The following NLGN1 variants were observed in gnomAD, a reference collection of about 807,000 sequenced individuals.
The protein encoded by NLGN1 is neuroligin 1.
NLGN1 carries 12 observed loss-of-function variants against 65.5 expected under a neutral mutation model. That is an observed-to-expected ratio of 0.18 (90% confidence interval 0.12 to 0.30). The LOEUF is 0.30. Ranked by LOEUF, NLGN1 falls within the 10% of genes least tolerant of loss-of-function variation. NLGN1 has a pLI of 1.00. For synonymous variants in NLGN1, 350 were observed against 359.5 expected, an observed-to-expected ratio of 0.97 and a Z score of 0.30; for missense variants, 750 against 1,007.1, an observed-to-expected ratio of 0.74 and a Z score of 3.46.
intron 4 of NLGN1, among the ~76,000 whole-genome samples, chr3:174,246,140 C>T (rs369000600): frequency 2.6e-5 from 4 of 152,132 alleles, no homozygotes; most frequent in Admixed American, 6.5e-5. Flanking sequence ...TGTTTCCAGA[C>T]GTCACTGGAT....
chr3:173,659,316 G>A (rs575208631), intron 3 of NLGN1, among the ~76,000 whole-genome samples: 1 of 151,956 alleles, frequency 6.6e-6, no homozygotes, highest in Non-Finnish European at 1.5e-5. Flanking sequence ...TTAAAGAAAG[G>A]GCATTTGTTT....
At chr3:174,189,036 C>T (rs748621995) in intron 4 of NLGN1, among the ~76,000 whole-genome samples, 1 of 151,966 alleles carries the variant, frequency 6.6e-6, no homozygotes, top group Non-Finnish European at 1.5e-5. Flanking sequence ...TTCCTCTTTT[C>T]ACAATGATTA....
At chr3:174,147,171 C>T (rs1165707619) in intron 4 of NLGN1, among the ~76,000 whole-genome samples, 1 of 152,054 alleles carries the variant, frequency 6.6e-6, no homozygotes, top group African/African-American at 2.4e-5. Context: ...TGCCAAACCA[C>T]AGCTAAGCCT....
chr3:173,404,418 G>A (rs1281456877), intron 1 of NLGN1, among the ~76,000 whole-genome samples: 1 of 152,108 alleles, frequency 6.6e-6, no homozygotes, highest in African/African-American at 2.4e-5. Flanking sequence ...CATGCCTAGA[G>A]CTGTTTACAC....
intron 3 of NLGN1, among the ~76,000 whole-genome samples, chr3:173,798,144 C>T (rs1714573632): frequency 6.6e-6 from 1 of 151,806 alleles, no homozygotes; most frequent in Non-Finnish European, 1.5e-5. Context: ...ACTAATGATT[C>T]AGGAAAAAAA....
chr3:174,226,955 A>G (rs1739828958), intron 4 of NLGN1, among the ~76,000 whole-genome samples: 2 of 152,142 alleles, frequency 1.3e-5, no homozygotes, highest in Non-Finnish European at 2.9e-5. Flanking sequence ...GATATTTATT[A>G]CTGGTATACA....
chr3:173,606,425 T>C (rs951378245), intron 3 of NLGN1, among the ~76,000 whole-genome samples: 1 of 152,072 alleles, frequency 6.6e-6, no homozygotes, highest in East Asian at 1.9e-4. Context: ...TCTATGGCAG[T>C]AAATCATCTA....
At chr3:173,986,995 A>C (rs1320262982) in intron 4 of NLGN1, among the ~76,000 whole-genome samples, 2 of 152,190 alleles carry the variant, frequency 1.3e-5, no homozygotes, top group African/African-American at 4.8e-5. Context: ...GACTGGAAGA[A>C]ATTACAAATA....
intron 2 of NLGN1, among the ~76,000 whole-genome samples, chr3:173,582,392 GC>G (rs1746535605): frequency 6.6e-6 from 1 of 151,888 alleles, no homozygotes; most frequent in Admixed American, 6.6e-5. Flanking sequence ...TTCAACTATT[GC>G]TAAACTGCTC....
At chr3:173,714,256 G>A (rs973450783) in intron 3 of NLGN1, among the ~76,000 whole-genome samples, 2 of 152,066 alleles carry the variant, frequency 1.3e-5, no homozygotes, top group African/African-American at 4.8e-5. Context: ...TGGTAGCTAC[G>A]ATTCTGGTTA....
intron 4 of NLGN1, among the ~76,000 whole-genome samples, chr3:173,833,869 AT>A (rs890252519): frequency 3.3e-5 from 5 of 151,958 alleles, no homozygotes; most frequent in Non-Finnish European, 5.9e-5. Context: ...TCAAATATAC[AT>A]TTTTTTTCCT....
intron 4 of NLGN1, among the ~76,000 whole-genome samples, chr3:174,218,093 T>C (rs1737963177): frequency 6.6e-6 from 1 of 152,040 alleles, no homozygotes; most frequent in Non-Finnish European, 1.5e-5. Context: ...AATTAACGCT[T>C]TAGACAAGTT....
At chr3:173,541,012 G>A (rs1738772273) in intron 2 of NLGN1, among the ~76,000 whole-genome samples, 1 of 152,118 alleles carries the variant, frequency 6.6e-6, no homozygotes, top group Non-Finnish European at 1.5e-5. Flanking sequence ...GATGTATCAA[G>A]GATGATAAAT....
At chr3:174,254,553 C>A (rs1281147439) in intron 4 of NLGN1, among the ~76,000 whole-genome samples, 1 of 151,916 alleles carries the variant, frequency 6.6e-6, no homozygotes, top group Non-Finnish European at 1.5e-5. Context: ...TGCCCATAAT[C>A]ATGGATAATT....
intron 4 of NLGN1, among the ~76,000 whole-genome samples, chr3:174,219,758 T>C (rs984722056): frequency 2.0e-5 from 3 of 152,134 alleles, no homozygotes; most frequent in Non-Finnish European, 4.4e-5. Context: ...TTGATGTGAA[T>C]GGTTAGAAAT....
intron 4 of NLGN1, among the ~76,000 whole-genome samples, chr3:174,180,029 A>G (rs191884137): frequency 7.9e-5 from 12 of 152,210 alleles, no homozygotes; most frequent in African/African-American, 2.6e-4. Context: ...AAGACTGTCT[A>G]TTTTTCTTTA....
intron 3 of NLGN1, among the ~76,000 whole-genome samples, chr3:173,785,013 A>G (rs1560365571): frequency 2.6e-5 from 4 of 151,184 alleles, no homozygotes; most frequent in Non-Finnish European, 4.4e-5. Context: ...AAATATATAG[A>G]CAGAGGCAGA....
chr3:173,875,372 CT>C (rs1490799994), intron 4 of NLGN1, among the ~76,000 whole-genome samples: 2 of 152,136 alleles, frequency 1.3e-5, no homozygotes, highest in Non-Finnish European at 2.9e-5. Context: ...CACTGAATAT[CT>C]TTCACTTTTA....
chr3:173,549,722 C>G (rs1474862681), intron 2 of NLGN1, among the ~76,000 whole-genome samples: 3 of 151,988 alleles, frequency 2.0e-5, no homozygotes, highest in South Asian at 4.1e-4. Flanking sequence ...CGGAAGATGA[C>G]TATGCATATT....
Sources: gnomAD v4.1 joint callset for allele counts (sites outside exome capture counted in the v4.1 genomes callset) on GRCh38, gnomAD v4.1.1 for gene constraint, MANE v1.5 for transcripts, NCBI Gene and HGNC (gene_info 2026-07-23, HGNC 2026-07-21) for gene names.